Variants in ARHGAP35 observed in about 807,000 individuals in gnomAD.
ARHGAP35 encodes rho GTPase-activating protein 35.
In ARHGAP35, 15 loss-of-function variants were observed where a neutral mutation model predicts 111.1. The ratio of observed to expected loss-of-function variants is 0.13; its 90% CI spans 0.09 to 0.21. The LOEUF (loss-of-function observed/expected upper bound fraction) is 0.21. Ranked by LOEUF, ARHGAP35 falls within the 10% of genes least tolerant of loss-of-function variation. The probability of loss-of-function intolerance (pLI) is 1.00; values close to 1 mark genes in which losing one functional copy is unlikely to be tolerated. For missense variants in ARHGAP35, 1,262 were observed against 1,873.0 expected (o/e 0.67, Z 6.02); for synonymous variants, 643 against 710.3 (o/e 0.91, Z 1.51).
intron 3 of ARHGAP35, among the ~76,000 whole-genome samples, chr19:46,951,195 G>A (rs1209696906): frequency 6.6e-6 from 1 of 152,214 alleles, no homozygotes; most frequent in Non-Finnish European, 1.5e-5. Context: ...TGCTTTCTGC[G>A]TGGCAGATTT....
intron 3 of ARHGAP35, among the ~76,000 whole-genome samples, chr19:46,958,020 C>T (rs191307456): frequency 6.6e-6 from 1 of 152,260 alleles, no homozygotes; most frequent in Non-Finnish European, 1.5e-5. Context: ...CCTCCTGCCT[C>T]AGCCTCTTGA....
intron 3 of ARHGAP35, among the ~76,000 whole-genome samples, chr19:46,939,697 G>A (rs921668623): frequency 2.0e-5 from 3 of 152,062 alleles, no homozygotes; most frequent in African/African-American, 7.2e-5. Flanking sequence ...ACAGGCGTGA[G>A]CCACCATGCC....
chr19:46,998,379 A>G (rs2056727060), intron 5 of ARHGAP35, among the ~76,000 whole-genome samples: 1 of 152,158 alleles, frequency 6.6e-6, no homozygotes, highest in Non-Finnish European at 1.5e-5. Context: ...CCACGAAGGA[A>G]ACATGGGGGC....
chr19:46,947,281 G>A (rs2056385462), intron 3 of ARHGAP35: 1 of 152,160 alleles, frequency 6.6e-6, no homozygotes, highest in Admixed American at 6.5e-5. Context: ...GCGTGGGGGA[G>A]ATAGATATAA....
chr19:47,002,720 T>C lies in ARHGAP35; in HGVS notation c.*2032T>C, dbSNP rs538353412. On this transcript the variant is annotated 3_prime_UTR_variant, in exon 7 of 7. Transcript: ENST00000672722. Reference sequence around the variant, plus strand: ...CGTAATTGGGGGTGGAGGGAAAGCATGGTGGTGCCCTGGGCCGTCCCTGTG... The same window carrying C: ...CGTAATTGGGGGTGGAGGGAAAGCACGGTGGTGCCCTGGGCCGTCCCTGTG... 3 of 152,404 alleles carry C rather than the reference T, an allele frequency of 2.0e-5. No individual in the cohort carries two copies. In the South Asian group the frequency reaches 6.2e-4, roughly 32 times the overall value. The allele number at this position is 152,404 out of a possible 1,614,324, so 9.4% of individuals were successfully genotyped here. A position where few individuals can be genotyped will look rare whatever the true frequency, so the allele number is the denominator to read the frequency against.
chr19:46,892,323 A>G (rs1440557262), intron 1 of ARHGAP35, among the ~76,000 whole-genome samples: 1 of 150,230 alleles, frequency 6.7e-6, no homozygotes, highest in Non-Finnish European at 1.5e-5. Flanking sequence ...AAAAGAAAAA[A>G]AAAAAGCCAG....
intron 3 of ARHGAP35, among the ~76,000 whole-genome samples, chr19:46,974,039 A>G (rs1429188154): frequency 2.0e-5 from 3 of 152,110 alleles, no homozygotes; most frequent in Non-Finnish European, 4.4e-5. Context: ...TGCCCAGGCT[A>G]GAGTGTAATA....
At chr19:46,941,136 C>G (rs2056344460) in intron 3 of ARHGAP35, among the ~76,000 whole-genome samples, 1 of 152,060 alleles carries the variant, frequency 6.6e-6, no homozygotes, top group Non-Finnish European at 1.5e-5. Context: ...AATTGTTCTA[C>G]AAGAATGCGA....
At chr19:46,957,247 C>T in intron 3 of ARHGAP35, among the ~76,000 whole-genome samples, 1 of 152,144 alleles carries the variant, frequency 6.6e-6, no homozygotes, top group Non-Finnish European at 1.5e-5. Context: ...AGGCGTGAGC[C>T]ACTGCGCCCG....
In ARHGAP35 at chr19:46,999,566, G is replaced by A. The variant is rs2056734664; in HGVS notation, c.4142+157G>A. On this transcript the variant is annotated intron_variant, in intron 6 of 6. Transcript: ENST00000672722. This position sits in a 1 kb window ranked among gnomAD's most constrained non-coding sequence, Gnocchi z 5.4. ...GCCTCCCATGGTGCCCGCTGGTCTC[G>A]GTGCCCAGAGCCTCTGCCTCTCGCC... 1.2e-5 allele frequency: 7 copies of A among 607,646 alleles called. No homozygotes were observed. Among genetic ancestry groups the A allele is most frequent in the East Asian group, 5.5e-5 (2 of 36,190 alleles). The allele number at this position is 607,646 out of a possible 1,614,324, so 37.6% of individuals were successfully genotyped here. A position where few individuals can be genotyped will look rare whatever the true frequency, so the allele number is the denominator to read the frequency against.
rs1269865358 is a variant in ARHGAP35, at chr19:46,986,864, T to C, written c.3827-1125T>C. Among the ~76,000 whole-genome samples the C allele has an allele frequency of 6.6e-6, 1 of 152,250 alleles. No homozygotes were observed. The highest frequency in any genetic ancestry group is 1.5e-5 in the Non-Finnish European group (1 of 68,044). On this transcript the variant is annotated intron_variant, in intron 3 of 6. Transcript: ENST00000672722. The surrounding 1 kb of genome is among the most constrained non-coding windows in gnomAD (Gnocchi z 4.3). Reference sequence around the variant, plus strand: ...TTATTTTCAGACAGAGTTTTGCTCTTGTTGCCCAGGCTGGAGTGCAGTGGC... The same window carrying C: ...TTATTTTCAGACAGAGTTTTGCTCTCGTTGCCCAGGCTGGAGTGCAGTGGC...
chr19:46,941,923 C>T (rs2056349725), intron 3 of ARHGAP35, among the ~76,000 whole-genome samples: 2 of 137,230 alleles, frequency 1.5e-5, no homozygotes, highest in African/African-American at 5.3e-5. Context: ...GAGTGGTTTT[C>T]AATCTGGAAC....
At chr19:46,867,286 A>G (rs1278525180) in intron 1 of ARHGAP35, among the ~76,000 whole-genome samples, 1 of 152,044 alleles carries the variant, frequency 6.6e-6, no homozygotes, top group Non-Finnish European at 1.5e-5. Flanking sequence ...AGCAGTTGTG[A>G]CTGTTGTATT....
At chr19:46,971,220 A>G (rs2056546216) in intron 3 of ARHGAP35, among the ~76,000 whole-genome samples, 1 of 152,112 alleles carries the variant, frequency 6.6e-6, no homozygotes. Context: ...AGCCTGGCCA[A>G]TATGGTGAAA....
At chr19:46,973,870 C>T (rs1230656236) in intron 3 of ARHGAP35, among the ~76,000 whole-genome samples, 3 of 151,922 alleles carry the variant, frequency 2.0e-5, no homozygotes, top group Non-Finnish European at 2.9e-5. Context: ...AGCATGATAG[C>T]GGACACCTGT....
chr19:46,994,026 G>T lies in ARHGAP35; in HGVS notation c.4036+4351G>T, dbSNP rs1471953494. 6.6e-6 allele frequency among the ~76,000 whole-genome samples: 1 copy of T among 152,218 alleles called. No individual in the cohort carries two copies. The highest frequency in any genetic ancestry group is 1.5e-5 in the Non-Finnish European group (1 of 68,046). On this transcript the variant is annotated intron_variant, in intron 5 of 6. Coordinates refer to ENST00000672722, the MANE Select transcript of ARHGAP35 (RefSeq NM_004491.5). The surrounding 1 kb of genome is among the most constrained non-coding windows in gnomAD (Gnocchi z 5.4). Reference sequence around the variant, plus strand: ...GAGGATCGGGCCCTCCACAGTCTGGGTCCTGAGGGGACTCTGAAGGGGGTG... The same window carrying T: ...GAGGATCGGGCCCTCCACAGTCTGGTTCCTGAGGGGACTCTGAAGGGGGTG...
In ARHGAP35 at chr19:46,999,522, C is replaced by G. The variant is rs564835357; in HGVS notation, c.4142+113C>G. The stretch of plus-strand genomic sequence containing the variant: ...GCCAGTAGAAGCCTCAGGCCCTGGC[C>G]TGGAAGGGGTGCTGGCTGGCCTCCC... On this transcript the variant is annotated intron_variant, in intron 6 of 6. Transcript: ENST00000672722. This position sits in a 1 kb window ranked among gnomAD's most constrained non-coding sequence, Gnocchi z 5.4. 2.9e-5 allele frequency: 21 copies of G among 731,370 alleles called. No individual in the cohort carries two copies. In the African/African-American group the frequency reaches 3.6e-4, roughly 12 times the overall value. The allele number at this position is 731,370 out of a possible 1,614,324, so 45.3% of individuals were successfully genotyped here. A position where few individuals can be genotyped will look rare whatever the true frequency, so the allele number is the denominator to read the frequency against.
intron 1 of ARHGAP35, among the ~76,000 whole-genome samples, chr19:46,873,754 T>C (rs1049571358): frequency 1.3e-5 from 2 of 152,152 alleles, no homozygotes; most frequent in Non-Finnish European, 2.9e-5. Context: ...AAGCTTTTTT[T>C]TTTTCTTTTT....
In ARHGAP35 at chr19:46,864,433, A is replaced by G. The variant is rs149932741; in HGVS notation, c.-189+3224A>G. 2.3e-3 allele frequency among the ~76,000 whole-genome samples: 354 copies of G among 152,292 alleles called. 3 individuals are homozygous for G. The highest frequency in any genetic ancestry group is 8.3e-3 in the African/African-American group (345 of 41,568). ...CTGCTGTGGCCTAGGGCAATTGTAT[A>G]TTAAAGTAGCCATCCAACTGTGAAG... is the stretch of plus-strand genomic sequence containing the variant. On this transcript the variant is annotated intron_variant, in intron 1 of 6. Coordinates refer to ENST00000672722, the MANE Select transcript of ARHGAP35 (RefSeq NM_004491.5).
Sources: allele counts gnomAD v4.1 joint callset (sites outside exome capture counted in the v4.1 genomes callset), GRCh38; gene constraint gnomAD v4.1.1; non-coding constraint Gnocchi (gnomAD v3.1); transcripts MANE v1.5; gene names NCBI Gene and HGNC (gene_info 2026-07-23, HGNC 2026-07-21).